Variants in NKAIN2 observed in about 807,000 individuals in gnomAD.
The protein encoded by NKAIN2 is sodium/potassium transporting ATPase interacting 2.
NKAIN2 carries 14 observed loss-of-function variants against 32.6 expected under a neutral mutation model. The observed-to-expected ratio is 0.43, with a 90% CI of 0.28 to 0.67. The LOEUF (loss-of-function observed/expected upper bound fraction) is 0.67, where lower values mean the gene tolerates loss of function less well. Among genes scored for constraint, NKAIN2 ranks in the 30% least tolerant of loss-of-function variants. The pLI, the probability that NKAIN2 is intolerant of heterozygous loss-of-function variation, is 0.17. For missense variants in NKAIN2, 198 were observed against 258.3 expected, an observed-to-expected ratio of 0.77 and a Z score of 1.60; for synonymous variants, 80 against 87.2, an observed-to-expected ratio of 0.92 and a Z score of 0.46.
intron 1 of NKAIN2, among the ~76,000 whole-genome samples, chr6:123,862,527 T>C (rs1291104199): frequency 6.6e-6 from 1 of 152,170 alleles, no homozygotes; most frequent in Non-Finnish European, 1.5e-5. Context: ...CTTTTGCTGA[T>C]TGAACTCAAA....
intron 4 of NKAIN2, among the ~76,000 whole-genome samples, chr6:124,718,219 A>G (rs574660661): frequency 6.6e-6 from 1 of 152,256 alleles, no homozygotes; most frequent in South Asian, 2.1e-4. Context: ...CCCTGTACCC[A>G]TTCGCCATCT....
chr6:124,003,606 C>T (rs1196258517), intron 1 of NKAIN2, among the ~76,000 whole-genome samples: 1 of 152,060 alleles, frequency 6.6e-6, no homozygotes, highest in African/African-American at 2.4e-5. Context: ...GAATTTTGTA[C>T]ACATAATACA....
At chr6:124,408,532 C>T (rs1263259845) in intron 3 of NKAIN2, among the ~76,000 whole-genome samples, 1 of 152,100 alleles carries the variant, frequency 6.6e-6, no homozygotes, top group East Asian at 1.9e-4. Context: ...TTTCTGAGGG[C>T]TCTGTTCTGT....
In NKAIN2 at chr6:123,812,494, G is replaced by A. The variant is rs139844804; in HGVS notation, c.54+8240G>A. Among the ~76,000 whole-genome samples, 151 of 152,018 alleles carry A rather than the reference G, an allele frequency of 9.9e-4. No individual in the cohort carries two copies. In the East Asian group the frequency reaches 0.016, roughly 16 times the overall value. ...CTTGAGTTTCTTGAAATTATGTTTC[G>A]GACACTAAAATCAAAACCCTTAACT... On this transcript the variant is annotated intron_variant, in intron 1 of 6. Coordinates refer to ENST00000368417, the MANE Select transcript of NKAIN2 (RefSeq NM_001040214.3).
intron 1 of NKAIN2, among the ~76,000 whole-genome samples, chr6:123,806,901 G>A (rs1582560761): frequency 6.6e-6 from 1 of 151,950 alleles, no homozygotes; most frequent in African/African-American, 2.4e-5. Context: ...AAATTTAAGG[G>A]AATATTTACA....
chr6:124,107,317 G>A (rs903190475), intron 1 of NKAIN2, among the ~76,000 whole-genome samples: 1 of 152,100 alleles, frequency 6.6e-6, no homozygotes, highest in African/African-American at 2.4e-5. Context: ...GACTTTACTT[G>A]TTTTTTAGAT....
intron 1 of NKAIN2, among the ~76,000 whole-genome samples, chr6:124,041,160 G>GT (rs1475303785): frequency 1.3e-5 from 2 of 151,942 alleles, no homozygotes; most frequent in African/African-American, 4.8e-5. Flanking sequence ...CTACTTTATG[G>GT]TTATTGCAAT....
chr6:123,822,999 CTTA>C (rs67521490), intron 1 of NKAIN2, among the ~76,000 whole-genome samples: 41,938 of 151,648 alleles, frequency 0.28, 8,249 homozygotes, highest in East Asian at 0.56. Flanking sequence ...GGATAAATTC[CTTA>C]TTATATGTTC....
chr6:124,477,424 A>G (rs1173337100), intron 3 of NKAIN2, among the ~76,000 whole-genome samples: 1 of 151,996 alleles, frequency 6.6e-6, no homozygotes, highest in Non-Finnish European at 1.5e-5. Flanking sequence ...CTAGTTCTGA[A>G]TGCCTCTTCA....
chr6:124,160,359 C>T (rs1201131060), intron 1 of NKAIN2, among the ~76,000 whole-genome samples: 1 of 152,064 alleles, frequency 6.6e-6, no homozygotes, highest in Non-Finnish European at 1.5e-5. Context: ...TCAAGAGGGT[C>T]CAAGAGTAAT....
At chr6:123,974,443 G>C (rs747732155) in intron 1 of NKAIN2, among the ~76,000 whole-genome samples, 1 of 152,006 alleles carries the variant, frequency 6.6e-6, no homozygotes, top group Non-Finnish European at 1.5e-5. Context: ...AAATTACCAC[G>C]GTTCTTCTAA....
chr6:123,913,438 C>T (rs1164995338), intron 1 of NKAIN2, among the ~76,000 whole-genome samples: 4 of 152,140 alleles, frequency 2.6e-5, no homozygotes, highest in African/African-American at 9.7e-5. Context: ...TGCTGCTGTT[C>T]TCTGGCTCTG....
intron 3 of NKAIN2, among the ~76,000 whole-genome samples, chr6:124,580,630 C>T (rs1469027123): frequency 2.0e-5 from 3 of 152,108 alleles, no homozygotes; most frequent in Admixed American, 6.5e-5. Context: ...AAACAAATAA[C>T]AAAATGGCAG....
intron 1 of NKAIN2, among the ~76,000 whole-genome samples, chr6:123,904,553 C>A (rs1774764874): frequency 6.6e-6 from 1 of 152,264 alleles, no homozygotes; most frequent in African/African-American, 2.4e-5. Flanking sequence ...TGGTTTCTTA[C>A]AATGCACAAG....
chr6:124,188,531 A>T (rs547046015), intron 1 of NKAIN2, among the ~76,000 whole-genome samples: 70 of 152,362 alleles, frequency 4.6e-4, no homozygotes, highest in African/African-American at 1.6e-3. Context: ...TGTTTGATTG[A>T]ATAACTGGCC....
intron 1 of NKAIN2, among the ~76,000 whole-genome samples, chr6:124,200,649 T>C (rs1464421589): frequency 2.6e-5 from 4 of 152,116 alleles, no homozygotes; most frequent in African/African-American, 9.7e-5. Flanking sequence ...AGAATTATAT[T>C]ATAAGAACAG....
At chr6:124,172,002 C>T (rs1338410781) in intron 1 of NKAIN2, among the ~76,000 whole-genome samples, 4 of 149,836 alleles carry the variant, frequency 2.7e-5, no homozygotes, top group Admixed American at 1.3e-4. Context: ...TTAGTAGAGA[C>T]GGGGTTTCAC....
intron 1 of NKAIN2, among the ~76,000 whole-genome samples, chr6:123,897,569 A>G (rs895297285): frequency 6.6e-6 from 1 of 152,124 alleles, no homozygotes; most frequent in African/African-American, 2.4e-5. Flanking sequence ...CTGGGCTGAG[A>G]TGCAGTGTGC....
chr6:124,283,994 G>A (rs921375305), intron 2 of NKAIN2, among the ~76,000 whole-genome samples: 10 of 152,092 alleles, frequency 6.6e-5, no homozygotes, highest in Admixed American at 3.3e-4. Flanking sequence ...TTATGAAAGC[G>A]TCCTCATTAA....
Sources: allele counts gnomAD v4.1 joint callset (sites outside exome capture counted in the v4.1 genomes callset), GRCh38; gene constraint gnomAD v4.1.1; transcripts MANE v1.5; gene names NCBI Gene and HGNC (gene_info 2026-07-23, HGNC 2026-07-21).